Variants in GSE1 observed in about 807,000 individuals in gnomAD.
GSE1 encodes the protein genetic suppressor element 1.
GSE1 carries 32 observed loss-of-function variants against 112.6 expected under a neutral mutation model. The ratio of observed to expected loss-of-function variants is 0.28; its 90% CI spans 0.21 to 0.38. The LOEUF (loss-of-function observed/expected upper bound fraction) is 0.38, where lower values mean the gene tolerates loss of function less well. Ranked by LOEUF, GSE1 falls within the 10% of genes least tolerant of loss-of-function variation. GSE1 has a pLI of 1.00. For missense variants in GSE1, 2,348 were observed against 1,699.2 expected (o/e 1.38, Z -6.71); for synonymous variants, 1,115 against 735.6 (o/e 1.52, Z -8.35).
rs1320332332 is a variant in GSE1, at chr16:85,188,817, AAAAC to A, written c.2283+17014_2283+17017del. Among the ~76,000 whole-genome samples, 20 of 149,732 alleles carry A rather than the reference AAAAC, an allele frequency of 1.3e-4. No homozygotes were observed. In the East Asian group the frequency reaches 2.7e-3, roughly 20 times the overall value. On this transcript the variant is annotated intron_variant, in intron 1 of 2. Transcript: ENST00000637419. ...CCTTATCTCTATCTTAAAAAAAAAAAAAACAAAACAAAAAAACACAGGAGTTTAC... is the reference window on the plus strand; with the variant it reads ...CCTTATCTCTATCTTAAAAAAAAAAAAAAACAAAAAAACACAGGAGTTTAC...
intron 1 of GSE1, among the ~76,000 whole-genome samples, chr16:85,233,449 C>T (rs992085137): frequency 6.6e-6 from 1 of 152,218 alleles, no homozygotes; most frequent in Non-Finnish European, 1.5e-5. Context: ...TTCCAGGGCC[C>T]CGTTCTCTCC....
At chr16:85,527,810 G>A (rs866507708) in intron 2 of GSE1, among the ~76,000 whole-genome samples, 1 of 152,268 alleles carries the variant, frequency 6.6e-6, no homozygotes, top group African/African-American at 2.4e-5. Flanking sequence ...AGGAGTGACC[G>A]TCGAAGGAGG....
intron 2 of GSE1, among the ~76,000 whole-genome samples, chr16:85,534,571 A>T (rs117674991): frequency 0.015 from 2,282 of 152,300 alleles, 28 homozygotes; most frequent in Non-Finnish European, 0.025. Flanking sequence ...TTTTTAAGGC[A>T]GAGCCATCTT....
chr16:85,344,776 CT>C (rs1376903016), intron 1 of GSE1, among the ~76,000 whole-genome samples: 1 of 152,210 alleles, frequency 6.6e-6, no homozygotes, highest in Admixed American at 6.5e-5. Flanking sequence ...AGTCTATGCC[CT>C]CAGCCCCAGC....
intron 2 of GSE1, among the ~76,000 whole-genome samples, chr16:85,425,426 G>A (rs1200364278): frequency 6.6e-6 from 1 of 152,014 alleles, no homozygotes; most frequent in East Asian, 1.9e-4. Context: ...AGGCAGGTGT[G>A]CTGCCGGGCT....
At chr16:85,513,239 G>A (rs1290525317) in intron 2 of GSE1, among the ~76,000 whole-genome samples, 8 of 152,078 alleles carry the variant, frequency 5.3e-5, no homozygotes, top group Non-Finnish European at 1.2e-4. Flanking sequence ...CCAGACTCCA[G>A]CCCGCCTGGG....
chr16:85,590,219 T>C (rs2046930422), intron 1 of GSE1, among the ~76,000 whole-genome samples: 2 of 152,120 alleles, frequency 1.3e-5, no homozygotes, highest in Admixed American at 6.5e-5. Context: ...TGAACATGTG[T>C]GACCTTGTGT....
chr16:85,659,136 T>G (rs1258493661), intron 8 of GSE1, among the ~76,000 whole-genome samples: 1 of 152,340 alleles, frequency 6.6e-6, no homozygotes. Context: ...CCCTGTTGTA[T>G]TCTGCTAAGA....
At chr16:85,331,581 G>GTGTATATA (rs200833629) in intron 1 of GSE1, among the ~76,000 whole-genome samples, 91,940 of 113,792 alleles carry the variant, frequency 0.81, 36,371 homozygotes, top group East Asian at 0.92. Flanking sequence ...ATGTGTACAT[G>GTGTATATA]TGTATATATG....
At chr16:85,342,331 C>G (rs902996109) in intron 1 of GSE1, among the ~76,000 whole-genome samples, 1 of 152,194 alleles carries the variant, frequency 6.6e-6, no homozygotes, top group African/African-American at 2.4e-5. Context: ...GCTGAGCTGC[C>G]ATTTTTCACT....
At position 85,648,594 on chromosome 16, in the gene GSE1, C is replaced by G; in HGVS notation, c.269C>G (p.Ala90Gly). Residue 90 changes from alanine to glycine, a missense_variant, in exon 3 of 16, where the codon GCC (alanine) becomes GGC (glycine). Transcript: ENST00000253458. ...SSESSPVSSP[A>G]TNHSSPASTP... ...GAGTCGTCCCCCGTGTCCTCTCCGG[C>G]CACCAACCACAGCTCCCCCGCCAGC... is the stretch of plus-strand genomic sequence containing the variant. 2 of 1,604,550 alleles carry G rather than the reference C, an allele frequency of 1.2e-6. No homozygotes were observed. The highest frequency in any genetic ancestry group is 1.7e-6 in the Non-Finnish European group (2 of 1,175,388).
intron 1 of GSE1, among the ~76,000 whole-genome samples, chr16:85,217,303 C>T (rs2075320835): frequency 6.6e-6 from 1 of 152,214 alleles, no homozygotes; most frequent in Non-Finnish European, 1.5e-5. Context: ...ATGTGCCTCT[C>T]AGAATCAGCT....
At chr16:85,364,900 T>A (rs1206460865) in intron 2 of GSE1, among the ~76,000 whole-genome samples, 1 of 152,196 alleles carries the variant, frequency 6.6e-6, no homozygotes, top group Non-Finnish European at 1.5e-5. Flanking sequence ...GGTCAGAGGC[T>A]GTCTGTGCGC....
At chr16:85,632,236 C>T (rs1041963664) in intron 1 of GSE1, among the ~76,000 whole-genome samples, 4 of 152,346 alleles carry the variant, frequency 2.6e-5, no homozygotes, top group African/African-American at 7.2e-5. Context: ...CGCCACCTGG[C>T]TGTTGCCTGC....
intron 1 of GSE1, among the ~76,000 whole-genome samples, chr16:85,296,982 T>A (rs888248279): frequency 6.6e-6 from 1 of 152,206 alleles, no homozygotes; most frequent in African/African-American, 2.4e-5. Context: ...TCCTTTGACC[T>A]CACTCTGTGC....
rs1046339062 is a variant in GSE1 at position 85,656,400 on chromosome 16, T to TGAGGCTGACCGC, written c.1050_1051insGCTGACCGCGAG (p.Glu350_Arg351insAlaAspArgGlu). On this transcript the variant is annotated inframe_insertion, in exon 7 of 16. Transcript: ENST00000253458. Reference sequence around the variant, plus strand: ...GGGAGCGCGAGCGCGAGCGCGAGCGTGAGCGTGAGGCTGACCGCGAGCGGG... The same window carrying TGAGGCTGACCGC: ...GGGAGCGCGAGCGCGAGCGCGAGCGTGAGGCTGACCGCGAGCGTGAGGCTGACCGCGAGCGGG... The TGAGGCTGACCGC allele has an allele frequency of 3.4e-6, 5 of 1,450,880 alleles. No homozygotes were observed. In the African/African-American group the frequency reaches 1.0e-4, roughly 30 times the overall value. 89.9% of individuals were successfully genotyped at this position (1,450,880 alleles called of 1,614,324 possible).
At chr16:85,259,422 G>A (rs935922292) in intron 1 of GSE1, among the ~76,000 whole-genome samples, 2 of 152,232 alleles carry the variant, frequency 1.3e-5, no homozygotes, top group Non-Finnish European at 2.9e-5. Flanking sequence ...AAGAGGCCAA[G>A]GATCCACAAA....
At chr16:85,472,991 C>T (rs1256705550) in intron 2 of GSE1, among the ~76,000 whole-genome samples, 1 of 152,244 alleles carries the variant, frequency 6.6e-6, no homozygotes, top group Non-Finnish European at 1.5e-5. Context: ...TCCACATGGG[C>T]ACAGGCGAGG....
chr16:85,374,934 C>T (rs1308510855), intron 2 of GSE1, among the ~76,000 whole-genome samples: 3 of 152,208 alleles, frequency 2.0e-5, no homozygotes, highest in Non-Finnish European at 4.4e-5. Context: ...GGGGCCGAGG[C>T]CATCCCAATT....
Sources: gnomAD v4.1 joint callset for allele counts (sites outside exome capture counted in the v4.1 genomes callset) on GRCh38, gnomAD v4.1.1 for gene constraint, MANE v1.5 for transcripts, NCBI Gene and HGNC (gene_info 2026-07-23, HGNC 2026-07-21) for gene names.